PRKG1: variants seen among roughly 807,000 people sequenced by gnomAD.
PRKG1 encodes the protein cGMP-dependent protein kinase 1.
In PRKG1, 35 loss-of-function variants were observed where a neutral mutation model predicts 88.1. The observed-to-expected ratio is 0.40, with a 90% CI of 0.30 to 0.53. The LOEUF (loss-of-function observed/expected upper bound fraction) is 0.53, where lower values mean the gene tolerates loss of function less well. PRKG1 is among the 20% of genes least tolerant of loss of function. PRKG1 has a pLI of 0.59. For synonymous variants in PRKG1, 303 were observed against 292.5 expected (o/e 1.04, Z -0.37); for missense variants, 540 against 839.8 (o/e 0.64, Z 4.41).
chr10:51,534,145 C>A lies in PRKG1; in HGVS notation c.592+66309C>A, dbSNP rs144228790. Among the ~76,000 whole-genome samples, 372 of 152,150 alleles carry A rather than the reference C, an allele frequency of 2.4e-3. 2 individuals carry two copies. The highest frequency in any genetic ancestry group is 7.8e-3 in the African/African-American group (324 of 41,504). The stretch of plus-strand genomic sequence containing the variant: ...CTCATAAAATCCCTTATGAATAAGA[C>A]TGAGAAGGGGATTATTAAAAGGGAT... On this transcript the variant is annotated intron_variant, in intron 3 of 17. Coordinates refer to ENST00000373980, the MANE Select transcript of PRKG1 (RefSeq NM_006258.4).
chr10:51,738,922 A>G (rs1172199955), intron 3 of PRKG1, among the ~76,000 whole-genome samples: 2 of 152,200 alleles, frequency 1.3e-5, no homozygotes, highest in Non-Finnish European at 2.9e-5. Context: ...ATTTAGGACC[A>G]AAAATAAGCA....
At chr10:52,014,159 G>C (rs541335677) in intron 5 of PRKG1, among the ~76,000 whole-genome samples, 6 of 152,254 alleles carry the variant, frequency 3.9e-5, no homozygotes, top group East Asian at 1.9e-4. Flanking sequence ...TATTGTGTTA[G>C]TCTACTTGCA....
intron 1 of PRKG1, among the ~76,000 whole-genome samples, chr10:51,128,158 C>A (rs576618773): frequency 1.3e-5 from 2 of 151,714 alleles, no homozygotes; most frequent in East Asian, 3.9e-4. Flanking sequence ...TGCAAAAAGG[C>A]GATTAACATT....
At chr10:51,851,110 A>G (rs554600479) in intron 4 of PRKG1, among the ~76,000 whole-genome samples, 12 of 152,298 alleles carry the variant, frequency 7.9e-5, no homozygotes, top group South Asian at 6.2e-4. Context: ...ATTATGGAAT[A>G]CTATGCAGCT....
intron 17 of PRKG1, among the ~76,000 whole-genome samples, chr10:52,292,807 C>T (rs1328330242): frequency 6.6e-6 from 1 of 151,762 alleles, no homozygotes; most frequent in Non-Finnish European, 1.5e-5. Context: ...CAATATCATA[C>T]TGAATGGGCA....
intron 14 of PRKG1, among the ~76,000 whole-genome samples, chr10:52,283,855 T>C (rs1391747728): frequency 1.3e-5 from 2 of 152,036 alleles, no homozygotes; most frequent in African/African-American, 4.8e-5. Flanking sequence ...GAACCAATTA[T>C]ATAATAAATA....
chr10:51,736,402 C>T (rs1248474999), intron 3 of PRKG1, among the ~76,000 whole-genome samples: 2 of 152,162 alleles, frequency 1.3e-5, no homozygotes, highest in Non-Finnish European at 2.9e-5. Context: ...AGGCGTGAGC[C>T]ACTGTGCCCA....
chr10:52,115,197 G>C (rs540875044), intron 7 of PRKG1, among the ~76,000 whole-genome samples: 7 of 151,834 alleles, frequency 4.6e-5, no homozygotes, highest in Non-Finnish European at 1.0e-4. Context: ...CAAAATAATA[G>C]ACCCAAACAA....
At chr10:51,325,749 C>G (rs968418714) in intron 2 of PRKG1, among the ~76,000 whole-genome samples, 1 of 152,090 alleles carries the variant, frequency 6.6e-6, no homozygotes. Context: ...AGTTTCTTTC[C>G]TGACTGTGCA....
chr10:51,194,540 C>T (rs1837713575), intron 2 of PRKG1, among the ~76,000 whole-genome samples: 1 of 151,970 alleles, frequency 6.6e-6, no homozygotes, highest in African/African-American at 2.4e-5. Context: ...TACCCATGGC[C>T]TGCTTTTTAG....
At chr10:51,941,073 C>T (rs74132827) in intron 5 of PRKG1, among the ~76,000 whole-genome samples, 145 of 151,990 alleles carry the variant, frequency 9.5e-4, no homozygotes, top group African/African-American at 3.4e-3. Flanking sequence ...AGGATCCATC[C>T]ATTGTAAGAT....
At chr10:52,095,083 C>A (rs1479156144) in intron 7 of PRKG1, among the ~76,000 whole-genome samples, 1 of 152,180 alleles carries the variant, frequency 6.6e-6, no homozygotes, top group Non-Finnish European at 1.5e-5. Flanking sequence ...CCAGGCCCCA[C>A]ACTATCTGCA....
intron 5 of PRKG1, among the ~76,000 whole-genome samples, chr10:51,963,790 T>C (rs1432819916): frequency 6.6e-6 from 1 of 152,120 alleles, no homozygotes; most frequent in Non-Finnish European, 1.5e-5. Flanking sequence ...AAAAATTAGG[T>C]AAAATCTTCA....
intron 3 of PRKG1, among the ~76,000 whole-genome samples, chr10:51,543,353 C>A (rs1842361535): frequency 6.6e-6 from 1 of 152,050 alleles, no homozygotes; most frequent in Admixed American, 6.6e-5. Flanking sequence ...TGTATAAACA[C>A]CATAGAAATG....
intron 2 of PRKG1, among the ~76,000 whole-genome samples, chr10:51,301,847 G>A (rs1840896195): frequency 6.6e-6 from 1 of 152,216 alleles, no homozygotes; most frequent in East Asian, 1.9e-4. Flanking sequence ...GAGGAGTTCA[G>A]TTCAGTTTAG....
intron 2 of PRKG1, among the ~76,000 whole-genome samples, chr10:51,170,538 G>T (rs1474041956): frequency 3.3e-5 from 5 of 151,800 alleles, no homozygotes; most frequent in Non-Finnish European, 5.9e-5. Context: ...GTGGGATGGG[G>T]AAGGAATTGC....
At chr10:51,299,666 C>G (rs1362426440) in intron 2 of PRKG1, 3 of 455,322 alleles carry the variant, frequency 6.6e-6, no homozygotes, top group African/African-American at 6.1e-5. Context: ...ACTGCAGATA[C>G]AGGTTACCTA....
intron 8 of PRKG1, among the ~76,000 whole-genome samples, chr10:52,147,216 G>T (rs1023988871): frequency 2.0e-5 from 3 of 152,040 alleles, no homozygotes; most frequent in Admixed American, 1.3e-4. Flanking sequence ...GTAGACAAAA[G>T]AAAAATGGAA....
chr10:51,423,260 ATC>A (rs1169295338), intron 2 of PRKG1, among the ~76,000 whole-genome samples: 2 of 152,174 alleles, frequency 1.3e-5, no homozygotes, highest in African/African-American at 4.8e-5. Context: ...TAGTTACGCA[ATC>A]TCTTTCTCTT....
Sources: gnomAD v4.1 joint callset for allele counts (sites outside exome capture counted in the v4.1 genomes callset) on GRCh38, gnomAD v4.1.1 for gene constraint, MANE v1.5 for transcripts, NCBI Gene and HGNC (gene_info 2026-07-23, HGNC 2026-07-21) for gene names.